The following UBE2W variants were observed in gnomAD, a reference collection of about 807,000 sequenced individuals.
UBE2W encodes the protein ubiquitin-conjugating enzyme E2 W.
A neutral mutation model predicts 27.2 loss-of-function variants in UBE2W; 18 were observed. That is an observed-to-expected ratio of 0.66 (90% CI 0.46 to 0.98). UBE2W has a LOEUF of 0.98. Among genes scored for constraint, UBE2W ranks in the 50% least tolerant of loss-of-function variants. UBE2W has a pLI of 0.00. For missense variants in UBE2W, 90 were observed against 180.2 expected, an observed-to-expected ratio of 0.50 and a Z score of 2.87; for synonymous variants, 53 against 57.2, an observed-to-expected ratio of 0.93 and a Z score of 0.33.
chr8:73,787,751 A>G lies in UBE2W; in HGVS notation c.*6351T>C, dbSNP rs541204352. ...ATTAGTTGATCTGTTTGTATACTCC[A>G]GAAAGCATCCAGAAGTTCTTAGAGT... On this transcript the variant is annotated 3_prime_UTR_variant, in exon 6 of 6. Transcript: ENST00000602593. 1.0e-6 allele frequency: 1 copy of G among 985,428 alleles called. No homozygotes were observed. Among genetic ancestry groups the G allele is most frequent in the South Asian group, 4.7e-5 (1 of 21,292 alleles). The allele number at this position is 985,428 out of a possible 1,614,324, so 61.0% of individuals were successfully genotyped here.
intron 2 of UBE2W, among the ~76,000 whole-genome samples, chr8:73,830,070 A>C (rs1179068140): frequency 6.6e-6 from 1 of 151,568 alleles, no homozygotes; most frequent in East Asian, 1.9e-4. Context: ...ACCTCACACC[A>C]AACAGTTCTT....
intron 3 of UBE2W, among the ~76,000 whole-genome samples, chr8:73,822,642 G>A (rs1370524027): frequency 1.6e-5 from 2 of 127,906 alleles, no homozygotes; most frequent in East Asian, 5.2e-4. Context: ...AAATTAGCTG[G>A]GTGTGGTGGC....
intron 1 of UBE2W, among the ~76,000 whole-genome samples, chr8:73,832,136 A>AATAAATATATATATAT (rs1554582582): frequency 5.5e-5 from 8 of 145,348 alleles, no homozygotes; most frequent in African/African-American, 1.9e-4. Flanking sequence ...AAAATAAATA[A>AATAAATATATATATAT]ATATATATAT....
chr8:73,788,047 T>C lies in UBE2W; in HGVS notation c.*6055A>G, dbSNP rs1291453013. On this transcript the variant is annotated 3_prime_UTR_variant, in exon 6 of 6. Coordinates refer to ENST00000602593, the MANE Select transcript of UBE2W (RefSeq NM_018299.6). ...AATTCAGTCTTTTGTGAAGAGAAAC[T>C]ACTGTACAAATACTTTTACGTCATA... The C allele has an allele frequency of 1.0e-6, 1 of 985,206 alleles. No homozygotes were observed. Among genetic ancestry groups the C allele is most frequent in the Non-Finnish European group, 1.2e-6 (1 of 829,822 alleles). 61.0% of individuals were successfully genotyped at this position (985,206 alleles called of 1,614,324 possible).
At chr8:73,842,242 C>G (rs565500342) in intron 1 of UBE2W, among the ~76,000 whole-genome samples, 1 of 151,864 alleles carries the variant, frequency 6.6e-6, no homozygotes, top group South Asian at 2.1e-4. Flanking sequence ...TTAAGAATGA[C>G]GTGGGGCCGG....
intron 1 of UBE2W, among the ~76,000 whole-genome samples, chr8:73,866,760 A>C (rs903614026): frequency 5.9e-5 from 9 of 152,072 alleles, no homozygotes; most frequent in African/African-American, 2.2e-4. Context: ...ACAGAAAAAA[A>C]GTAAATTGGC....
At chr8:73,839,347 TA>T (rs34467910) in intron 1 of UBE2W, among the ~76,000 whole-genome samples, 4,035 of 131,680 alleles carry the variant, frequency 0.031, 183 homozygotes, top group African/African-American at 0.1. Context: ...TGCTCCTAGT[TA>T]AAAAAAAAAA....
At chr8:73,853,396 C>G (rs1383203773) in intron 1 of UBE2W, among the ~76,000 whole-genome samples, 2 of 152,188 alleles carry the variant, frequency 1.3e-5, no homozygotes, top group African/African-American at 4.8e-5. Context: ...TCCCGAGCAA[C>G]TGGGCTACAG....
chr8:73,806,263 C>T (rs1808902121), intron 4 of UBE2W, among the ~76,000 whole-genome samples: 1 of 151,928 alleles, frequency 6.6e-6, no homozygotes, highest in Non-Finnish European at 1.5e-5. Flanking sequence ...CAGTGGTGGG[C>T]ATCTGTAATC....
At chr8:73,858,683 T>TA (rs34554998) in intron 1 of UBE2W, among the ~76,000 whole-genome samples, 432 of 134,288 alleles carry the variant, frequency 3.2e-3, no homozygotes, top group South Asian at 9.7e-3. Flanking sequence ...GAAAAAGTGC[T>TA]AAAAAAAAAA....
chr8:73,780,736 C>T (rs1248162140), intron 4 of UBE2W, among the ~76,000 whole-genome samples: 2 of 151,836 alleles, frequency 1.3e-5, no homozygotes, highest in African/African-American at 4.8e-5. Flanking sequence ...GTTGCCCAGG[C>T]TGGTCTCGAA....
chr8:73,829,125 C>T (rs192179240), intron 2 of UBE2W, among the ~76,000 whole-genome samples: 79 of 152,248 alleles, frequency 5.2e-4, no homozygotes, highest in African/African-American at 1.4e-3. Flanking sequence ...GTTGCTTTGG[C>T]TGTTATAATT....
Position 73,790,686 on chromosome 8 carries a change from A to G in UBE2W, c.*3416T>C, listed in dbSNP as rs747796156. The G allele has an allele frequency of 1.6e-5, 16 of 981,432 alleles. No individual in the cohort carries two copies. Among genetic ancestry groups the G allele is most frequent in the Non-Finnish European group, 1.9e-5 (16 of 826,260 alleles). The allele number at this position is 981,432 out of a possible 1,614,324, so 60.8% of individuals were successfully genotyped here. ...CTCCTCTTCTCTTCTATTTTTAGGA[A>G]GAAGTTATAACAAGTTTTAAATATC... On this transcript the variant is annotated 3_prime_UTR_variant, in exon 6 of 6. Transcript: ENST00000602593.
intron 1 of UBE2W, among the ~76,000 whole-genome samples, chr8:73,859,043 TGA>T (rs373150544): frequency 3.3e-5 from 5 of 150,672 alleles, no homozygotes; most frequent in African/African-American, 1.2e-4. Flanking sequence ...TTCTTTTTGG[TGA>T]GAGTCTTCTA....
At chr8:73,800,741 A>C (rs1238728933) in intron 5 of UBE2W, among the ~76,000 whole-genome samples, 1 of 152,194 alleles carries the variant, frequency 6.6e-6, no homozygotes, top group African/African-American at 2.4e-5. Context: ...AGAACTTTCT[A>C]CTTCAGTCAG....
downstream of UBE2W, among the ~76,000 whole-genome samples, chr8:73,784,230 GATT>G (rs1371832326): frequency 6.6e-6 from 1 of 152,100 alleles, no homozygotes; most frequent in Non-Finnish European, 1.5e-5. Context: ...TCCATGTGTT[GATT>G]TTTCCTGCCT....
At chr8:73,796,387 T>G (rs1808422197) in intron 5 of UBE2W, among the ~76,000 whole-genome samples, 1 of 152,216 alleles carries the variant, frequency 6.6e-6, no homozygotes, top group Admixed American at 6.5e-5. Flanking sequence ...TTGAACATAA[T>G]GTTATCCAGT....
chr8:73,870,398 A>AG, intron 1 of UBE2W: 1 of 1,184,930 alleles, frequency 8.4e-7, no homozygotes. Flanking sequence ...ATCAGAAAAA[A>AG]AAAAAAGACA....
At chr8:73,857,456 AAGTATGTAAG>A (rs35827835) in intron 1 of UBE2W, among the ~76,000 whole-genome samples, 102,580 of 151,540 alleles carry the variant, frequency 0.68, 37,346 homozygotes, top group East Asian at 0.93. Context: ...AAAAGATTGC[AAGTATGTAAG>A]AGTATGTAAG....
Sources: gnomAD v4.1 joint callset for allele counts (sites outside exome capture counted in the v4.1 genomes callset) on GRCh38, gnomAD v4.1.1 for gene constraint, MANE v1.5 for transcripts, NCBI Gene and HGNC (gene_info 2026-07-23, HGNC 2026-07-21) for gene names.